The following INPP4B variants were observed in gnomAD, a reference collection of about 807,000 sequenced individuals.
INPP4B encodes inositol polyphosphate 4-phosphatase type II.
INPP4B carries 55 observed loss-of-function variants against 122.5 expected under a neutral mutation model. The ratio of observed to expected loss-of-function variants is 0.45; its 90% CI spans 0.36 to 0.56. INPP4B has a LOEUF of 0.56. Among genes scored for constraint, INPP4B ranks in the 20% least tolerant of loss-of-function variants. INPP4B has a pLI of 0.00. For missense variants in INPP4B, 1,000 were observed against 1,097.7 expected (o/e 0.91, Z 1.26); for synonymous variants, 403 against 388.7 (o/e 1.04, Z -0.43).
At chr4:142,715,666 G>A (rs1580761269) in intron 2 of INPP4B, among the ~76,000 whole-genome samples, 1 of 152,214 alleles carries the variant, frequency 6.6e-6, no homozygotes, top group Admixed American at 6.5e-5. Flanking sequence ...TAGCAGAAGA[G>A]AGCCCTGGGA....
chr4:142,118,327 C>G (rs1419997459), intron 21 of INPP4B, among the ~76,000 whole-genome samples: 5 of 151,942 alleles, frequency 3.3e-5, no homozygotes, highest in Middle Eastern at 3.4e-3. Flanking sequence ...AAAGAGCACG[C>G]ATTGCCAAGA....
chr4:142,224,873 T>C (rs1257135042), intron 12 of INPP4B, among the ~76,000 whole-genome samples: 1 of 152,148 alleles, frequency 6.6e-6, no homozygotes, highest in Non-Finnish European at 1.5e-5. Context: ...GGCGCGTGTA[T>C]TCTCTCAAAG....
intron 1 of INPP4B, among the ~76,000 whole-genome samples, chr4:142,838,364 G>GAA (rs779595214): frequency 1.4e-5 from 2 of 145,968 alleles, no homozygotes; most frequent in African/African-American, 5.0e-5. Context: ...TAGAGAGTAG[G>GAA]AAAAAAAAAG....
chr4:142,797,914 C>A (rs143050711), intron 1 of INPP4B, among the ~76,000 whole-genome samples: 2,631 of 151,792 alleles, frequency 0.017, 32 homozygotes, highest in Non-Finnish European at 0.027. Context: ...GAATGGAAAT[C>A]AAGAAAGGGA....
rs367926657 is a variant in INPP4B, at chr4:142,771,659, C to A, written c.-253-45758G>T. Among the ~76,000 whole-genome samples, 45 of 152,202 alleles carry A rather than the reference C, an allele frequency of 3.0e-4. No homozygotes were observed. In the East Asian group the frequency reaches 3.7e-3, roughly 12 times the overall value. On this transcript the variant is annotated intron_variant, in intron 1 of 25. Coordinates refer to ENST00000262992, the MANE Select transcript of INPP4B (RefSeq NM_001101669.3). Reference sequence around the variant, plus strand: ...ATGCTCAGGTTTGGCCTGAGCGGTACTGCAGTGCTATAAATGGTTGTACCT... The same window carrying A: ...ATGCTCAGGTTTGGCCTGAGCGGTAATGCAGTGCTATAAATGGTTGTACCT...
In INPP4B at chr4:142,488,074, C is replaced by A. The variant is rs570927906; in HGVS notation, c.-190-25348G>T. 2.6e-5 allele frequency among the ~76,000 whole-genome samples: 4 copies of A among 152,156 alleles called. No homozygotes were observed. The South Asian group carries it at 8.3e-4, about 32-fold the overall frequency. ...ATAGATGTGCACATAAGATTAAATT[C>A]TTTTCATTCCTAGACTTCTGAGAGC... On this transcript the variant is annotated intron_variant, in intron 2 of 25. Transcript: ENST00000262992.
chr4:142,432,882 A>G (rs1005051942), intron 3 of INPP4B, among the ~76,000 whole-genome samples: 3 of 152,178 alleles, frequency 2.0e-5, no homozygotes, highest in Admixed American at 6.5e-5. Context: ...TGAATAATTA[A>G]TGAAATAAAT....
intron 3 of INPP4B, among the ~76,000 whole-genome samples, chr4:142,445,846 C>T (rs935181710): frequency 6.6e-6 from 1 of 152,020 alleles, no homozygotes; most frequent in Admixed American, 6.6e-5. Context: ...CATTTTCTGA[C>T]CACAAGGAGA....
intron 2 of INPP4B, among the ~76,000 whole-genome samples, chr4:142,528,910 T>C (rs1364368109): frequency 3.3e-5 from 5 of 152,126 alleles, no homozygotes; most frequent in Non-Finnish European, 7.4e-5. Context: ...AATAATGGAC[T>C]GTGTTTGTTG....
intron 2 of INPP4B, among the ~76,000 whole-genome samples, chr4:142,525,935 C>T (rs1306940663): frequency 6.6e-6 from 1 of 151,994 alleles, no homozygotes; most frequent in Non-Finnish European, 1.5e-5. Context: ...AAGAAACTAC[C>T]ATCAGAGTGA....
intron 11 of INPP4B, among the ~76,000 whole-genome samples, chr4:142,251,629 T>C (rs1732108077): frequency 6.6e-6 from 1 of 152,230 alleles, no homozygotes; most frequent in Non-Finnish European, 1.5e-5. Context: ...CATTTGGCTG[T>C]AGGCTGAGAA....
chr4:142,735,062 A>G (rs1218351093), intron 1 of INPP4B, among the ~76,000 whole-genome samples: 2 of 152,190 alleles, frequency 1.3e-5, no homozygotes, highest in Admixed American at 1.3e-4. Context: ...CCGACGTTTC[A>G]GGGCTGCACC....
chr4:142,454,712 C>A (rs563074814), intron 3 of INPP4B, among the ~76,000 whole-genome samples: 1 of 152,060 alleles, frequency 6.6e-6, no homozygotes, highest in African/African-American at 2.4e-5. Context: ...GGGCAATTTA[C>A]TTAGCCATAC....
intron 25 of INPP4B, among the ~76,000 whole-genome samples, chr4:142,061,571 A>G (rs919955887): frequency 3.3e-5 from 5 of 152,142 alleles, no homozygotes; most frequent in South Asian, 2.1e-4. Flanking sequence ...TCTTTTCTCA[A>G]TTTGTCTTAT....
At chr4:142,492,542 C>T (rs1273602766) in intron 2 of INPP4B, among the ~76,000 whole-genome samples, 1 of 152,106 alleles carries the variant, frequency 6.6e-6, no homozygotes, top group Non-Finnish European at 1.5e-5. Flanking sequence ...GAAGTTCAGG[C>T]TGAGGTGGTC....
chr4:142,427,429 T>C, intron 5 of INPP4B: 1 of 635,346 alleles, frequency 1.6e-6, no homozygotes, highest in Non-Finnish European at 2.9e-6. Context: ...TAGAACATTA[T>C]TATGAATAAA....
chr4:142,466,253 A>G (rs947514801), intron 2 of INPP4B, among the ~76,000 whole-genome samples: 2 of 152,208 alleles, frequency 1.3e-5, no homozygotes, highest in Admixed American at 1.3e-4. Flanking sequence ...ACAGACAGTG[A>G]TGTCCAGGCT....
At chr4:142,605,010 T>A (rs375790967) in intron 2 of INPP4B, among the ~76,000 whole-genome samples, 1 of 151,980 alleles carries the variant, frequency 6.6e-6, no homozygotes. Context: ...ACTATTGGTA[T>A]AAAAACAGAC....
intron 2 of INPP4B, among the ~76,000 whole-genome samples, chr4:142,522,193 A>G (rs934860147): frequency 6.6e-6 from 1 of 151,924 alleles, no homozygotes; most frequent in South Asian, 2.1e-4. Context: ...ATGTTTATCA[A>G]TTTTTAAAGT....
Sources: allele counts gnomAD v4.1 joint callset (sites outside exome capture counted in the v4.1 genomes callset), GRCh38; gene constraint gnomAD v4.1.1; transcripts MANE v1.5; gene names NCBI Gene and HGNC (gene_info 2026-07-23, HGNC 2026-07-21).